Variants in PCDHA7 observed in about 807,000 individuals in gnomAD.
The protein encoded by PCDHA7 is protocadherin alpha 7.
A neutral mutation model predicts 57.2 loss-of-function variants in PCDHA7; 37 were observed. That is an observed-to-expected ratio of 0.65 (90% CI 0.50 to 0.85). PCDHA7 has a LOEUF of 0.85. Among genes scored for constraint, PCDHA7 ranks in the 40% least tolerant of loss-of-function variants. The pLI is 0.00. For synonymous variants in PCDHA7, 553 were observed against 558.8 expected (o/e 0.99, Z 0.15); for missense variants, 1,188 against 1,241.8 (o/e 0.96, Z 0.65).
At chr5:140,887,396 C>T (rs2153420229) in intron 1 of PCDHA7, among the ~76,000 whole-genome samples, 1 of 152,174 alleles carries the variant, frequency 6.6e-6, no homozygotes, top group Non-Finnish European at 1.5e-5. Flanking sequence ...GCGCCCGGCT[C>T]TTTATCTCAT....
chr5:140,836,424 C>T lies in PCDHA7; in HGVS notation c.2041C>T (p.Arg681Trp), dbSNP rs2150260544. 2 of 1,613,814 alleles carry T rather than the reference C, an allele frequency of 1.2e-6. No individual in the cohort carries two copies. Among genetic ancestry groups the T allele is most frequent in the Non-Finnish European group, 1.7e-6 (2 of 1,179,858 alleles). ...ESGQAPKASS[R>W]ASLGIAGPET... ...CGGCCAGGCACCAAAGGCGTCGTCGCGGGCATCGTTGGGCATTGCAGGCCC... is the reference window on the plus strand; with the variant it reads ...CGGCCAGGCACCAAAGGCGTCGTCGTGGGCATCGTTGGGCATTGCAGGCCC... Residue 681 changes from arginine (R) to tryptophan (W), a missense_variant, in exon 1 of 4, where the codon CGG becomes TGG. Transcript: ENST00000525929.
rs1171652738 is a variant in PCDHA7 at position 140,842,111 on chromosome 5, C to A, written c.2355+5373C>A. On this transcript the variant is annotated intron_variant, in intron 1 of 3. Transcript: ENST00000525929. ...AGACAACGGAACAACAGTTATCAAA[C>A]TGAATGCTTCTGATCCGGATGAAGG... is the stretch of plus-strand genomic sequence containing the variant. The A allele has an allele frequency of 3.1e-6, 5 of 1,613,758 alleles. No individual in the cohort carries two copies. In the Admixed American group the frequency reaches 8.3e-5, roughly 27 times the overall value.
intron 3 of PCDHA7, among the ~76,000 whole-genome samples, chr5:141,001,710 G>A (rs1422821009): frequency 6.6e-6 from 1 of 152,208 alleles, no homozygotes; most frequent in Non-Finnish European, 1.5e-5. Flanking sequence ...AGGGGGCGGG[G>A]AAGGAGCTTG....
At position 140,835,862 on chromosome 5, in the gene PCDHA7, G is replaced by A; in HGVS notation, c.1479G>A (p.Ser493=). 1 of 1,612,116 alleles carries A rather than the reference G, an allele frequency of 6.2e-7. No homozygotes were observed. The highest frequency in any genetic ancestry group is 8.5e-7 in the Non-Finnish European group (1 of 1,179,654). Residue 493 remains serine, a synonymous_variant, in exon 1 of 4, where the codon TCG becomes TCA. Transcript: ENST00000525929. ...AGAAGAACGCGCTGGTGTCCTACTCGCTGGTGGAGCTGCGGGTGGGCGAGC... is the reference window on the plus strand; with the variant it reads ...AGAAGAACGCGCTGGTGTCCTACTCACTGGTGGAGCTGCGGGTGGGCGAGC... The part of the protein sequence containing the change: ...DAQKNALVSY[S]LVELRVGERA...
chr5:140,949,935 T>C (rs1554219235), intron 1 of PCDHA7, among the ~76,000 whole-genome samples: 1 of 151,898 alleles, frequency 6.6e-6, no homozygotes, highest in East Asian at 1.9e-4. Context: ...TTTTTTTTAA[T>C]TTGCATTTTT....
At chr5:140,947,374 T>C (rs1252253428) in intron 1 of PCDHA7, among the ~76,000 whole-genome samples, 7 of 151,768 alleles carry the variant, frequency 4.6e-5, no homozygotes, top group Admixed American at 4.6e-4. Context: ...TTGATCTATA[T>C]GTTTATCCTT....
chr5:140,842,160 C>T (rs1777743066), intron 1 of PCDHA7: 3 of 1,613,732 alleles, frequency 1.9e-6, no homozygotes, highest in Non-Finnish European at 2.5e-6. Flanking sequence ...ATTTCATATT[C>T]TTTTAATAGC....
intron 3 of PCDHA7, among the ~76,000 whole-genome samples, chr5:140,996,330 A>G (rs551945424): frequency 6.6e-6 from 1 of 152,208 alleles, no homozygotes; most frequent in Non-Finnish European, 1.5e-5. Flanking sequence ...TAGAGAAGAA[A>G]AGTTTGAAAA....
rs189936741 is a variant in PCDHA7, at chr5:140,928,492, C to T, written c.2356-50457C>T. The T allele has an allele frequency of 1.5e-5, 24 of 1,614,150 alleles. No individual in the cohort carries two copies. In the East Asian group the frequency reaches 5.3e-4, roughly 36 times the overall value. ...AGAAGGCCGGGATGGTGGCATTCCT[C>T]CCAGAAGTGCAACAGTGACTATAAA... On this transcript the variant is annotated intron_variant, in intron 1 of 3. Transcript: ENST00000525929.
chr5:141,006,405 C>T (rs782532612), intron 3 of PCDHA7, among the ~76,000 whole-genome samples: 28 of 151,916 alleles, frequency 1.8e-4, no homozygotes, highest in Middle Eastern at 6.8e-3. Context: ...AGTAGAGACG[C>T]GGTTTCACTG....
chr5:140,868,490 A>C (rs1383994336), intron 1 of PCDHA7: 1 of 152,330 alleles, frequency 6.6e-6, no homozygotes, highest in African/African-American at 2.4e-5. Flanking sequence ...TTTTTCTTTG[A>C]GTTCCCTAGC....
intron 1 of PCDHA7, among the ~76,000 whole-genome samples, chr5:140,903,652 T>C (rs1304934693): frequency 6.6e-6 from 1 of 152,234 alleles, no homozygotes; most frequent in Non-Finnish European, 1.5e-5. Context: ...ATACATATAT[T>C]ATAAATTTAA....
intron 1 of PCDHA7, among the ~76,000 whole-genome samples, chr5:140,971,716 A>G (rs1554233565): frequency 1.3e-5 from 2 of 152,026 alleles, no homozygotes; most frequent in African/African-American, 4.8e-5. Context: ...ATATAGATAT[A>G]TGTATATCAT....
At chr5:140,885,427 G>A (rs1276398573) in intron 1 of PCDHA7, among the ~76,000 whole-genome samples, 1 of 152,092 alleles carries the variant, frequency 6.6e-6, no homozygotes, top group Admixed American at 6.5e-5. Flanking sequence ...ATTCCACAGT[G>A]TAAGTGTGCA....
In PCDHA7 at chr5:140,849,870, G is replaced by T. The variant is rs2150455328; in HGVS notation, c.2355+13132G>T. ...CAACGCACCAGCGTTCGCGCAGTCC[G>T]AGTACACGGTGTTCGTGAAGGAGAA... On this transcript the variant is annotated intron_variant, in intron 1 of 3. Coordinates refer to ENST00000525929, the MANE Select transcript of PCDHA7 (RefSeq NM_018910.3). 25 of 1,598,494 alleles carry T rather than the reference G, an allele frequency of 1.6e-5. 2 individuals carry two copies. The highest frequency in any genetic ancestry group is 2.1e-5 in the Non-Finnish European group (24 of 1,167,988).
At chr5:140,978,566 T>G (rs1554239422) in intron 1 of PCDHA7, among the ~76,000 whole-genome samples, 1 of 152,204 alleles carries the variant, frequency 6.6e-6, no homozygotes, top group East Asian at 1.9e-4. Flanking sequence ...ATAGCTGTAA[T>G]ACTGAATTGG....
At chr5:140,984,945 C>A (rs1316955910) in intron 3 of PCDHA7, among the ~76,000 whole-genome samples, 1 of 149,212 alleles carries the variant, frequency 6.7e-6, no homozygotes, top group Non-Finnish European at 1.5e-5. Flanking sequence ...AATGTCTAAT[C>A]TTTTTTTTTT....
intron 1 of PCDHA7, chr5:140,884,030 G>A: frequency 6.2e-7 from 1 of 1,613,438 alleles, no homozygotes; most frequent in Non-Finnish European, 8.5e-7. Flanking sequence ...GGTGGGTGCA[G>A]GCCACGTGGT....
At position 140,993,767 on chromosome 5, in the gene PCDHA7, G is replaced by C. The variant is rs115607244; in HGVS notation, c.2503+11204G>C. ...ATACTTGCCATTATATTACAATTGC[G>C]CAGTATTTTGTACAGTAACATGCTG... On this transcript the variant is annotated intron_variant, in intron 3 of 3. Transcript: ENST00000525929. Among the ~76,000 whole-genome samples, 826 of 152,124 alleles carry C rather than the reference G, an allele frequency of 5.4e-3. 11 individuals are homozygous for C. Among genetic ancestry groups the C allele is most frequent in the African/African-American group, 0.018 (749 of 41,482 alleles).
Sources: allele counts gnomAD v4.1 joint callset (sites outside exome capture counted in the v4.1 genomes callset), GRCh38; gene constraint gnomAD v4.1.1; transcripts MANE v1.5; gene names NCBI Gene and HGNC (gene_info 2026-07-23, HGNC 2026-07-21).